GRIA1: variants seen among roughly 807,000 people sequenced by gnomAD.
GRIA1 encodes the protein glutamate ionotropic receptor AMPA type subunit 1, also known as glutamate receptor 1.
Under a neutral mutation model 99.2 loss-of-function variants are expected in GRIA1, and 31 were observed. The ratio of observed to expected loss-of-function variants is 0.31; its 90% CI spans 0.23 to 0.42. The LOEUF is 0.42. Among genes scored for constraint, GRIA1 ranks in the 10% least tolerant of loss-of-function variants. GRIA1 has a pLI of 1.00. For synonymous variants in GRIA1, 438 were observed against 432.4 expected (o/e 1.01, Z -0.16); for missense variants, 782 against 1,157.5 (o/e 0.68, Z 4.71).
At chr5:153,670,801 C>A (rs548958981) in intron 5 of GRIA1, among the ~76,000 whole-genome samples, 2 of 152,080 alleles carry the variant, frequency 1.3e-5, no homozygotes, top group East Asian at 3.9e-4. Flanking sequence ...AGAGTTAACA[C>A]CTTTATTTCC....
intron 2 of GRIA1, among the ~76,000 whole-genome samples, chr5:153,558,888 CT>C (rs1269640670): frequency 6.6e-6 from 1 of 152,120 alleles, no homozygotes; most frequent in Non-Finnish European, 1.5e-5. Context: ...CCCCACTGAC[CT>C]TGCTGCTTCC....
At chr5:153,566,111 A>G (rs946916423) in intron 2 of GRIA1, among the ~76,000 whole-genome samples, 1 of 151,784 alleles carries the variant, frequency 6.6e-6, no homozygotes, top group African/African-American at 2.4e-5. Context: ...GAGGGTTTCA[A>G]TTTCTCCACA....
In GRIA1 at chr5:153,647,164, C is replaced by G. The variant is rs562539388; in HGVS notation, c.457C>G (p.Arg153Gly). 3 of 1,613,452 alleles carry G rather than the reference C, an allele frequency of 1.9e-6. No individual in the cohort carries two copies. The highest frequency in any genetic ancestry group is 2.5e-6 in the Non-Finnish European group (3 of 1,179,770). The change falls in exon 3 of 16, where the codon CGG becomes GGG. Residue 153 changes from arginine to glycine, a missense_variant. Physicochemically the swap from Arg to Gly is moderately radical, Grantham distance 125. Transcript: ENST00000285900. ...ATTTGTCTACATTTATGATGCCGAC[C>G]GGGGTAAGCCAAGGGTTAGGGGAGG... ...QKFVYIYDADRGLSVLQKVLD... is the reference protein window; with the variant it reads ...QKFVYIYDADGGLSVLQKVLD...
chr5:153,766,905 G>A (rs1300512981), intron 12 of GRIA1, among the ~76,000 whole-genome samples: 1 of 152,156 alleles, frequency 6.6e-6, no homozygotes, highest in African/African-American at 2.4e-5. Flanking sequence ...TAAGAACCTG[G>A]AACCAGGGCA....
intron 7 of GRIA1, among the ~76,000 whole-genome samples, chr5:153,682,742 C>T (rs916615292): frequency 2.0e-5 from 3 of 152,184 alleles, no homozygotes; most frequent in African/African-American, 4.8e-5. Flanking sequence ...AATCTCTCTC[C>T]ACCTCTGCAA....
At chr5:153,676,459 CTTAG>C (rs1756594151) in intron 6 of GRIA1, among the ~76,000 whole-genome samples, 1 of 152,278 alleles carries the variant, frequency 6.6e-6, no homozygotes, top group South Asian at 2.1e-4. Flanking sequence ...AAACTTACCA[CTTAG>C]GTAAGCCATA....
chr5:153,591,398 T>C (rs932949976), intron 2 of GRIA1, among the ~76,000 whole-genome samples: 33 of 152,316 alleles, frequency 2.2e-4, no homozygotes, highest in Non-Finnish European at 4.4e-5. Flanking sequence ...AGATATCCCA[T>C]TGAGTATCGC....
At chr5:153,562,114 A>C (rs1405442202) in intron 2 of GRIA1, among the ~76,000 whole-genome samples, 1 of 150,434 alleles carries the variant, frequency 6.6e-6, no homozygotes, top group African/African-American at 2.4e-5. Flanking sequence ...ATTTGAGAAC[A>C]ACTACGAATG....
chr5:153,503,762 G>T (rs1353149334), intron 2 of GRIA1, among the ~76,000 whole-genome samples: 1 of 152,154 alleles, frequency 6.6e-6, no homozygotes, highest in African/African-American at 2.4e-5. Flanking sequence ...GAAATAAGGG[G>T]GAAAGCCCAT....
intron 12 of GRIA1, among the ~76,000 whole-genome samples, chr5:153,767,357 C>T (rs1763585022): frequency 6.6e-6 from 1 of 152,182 alleles, no homozygotes; most frequent in Admixed American, 6.5e-5. Context: ...GATATAAAGC[C>T]TAAAATGAGG....
intron 8 of GRIA1, among the ~76,000 whole-genome samples, chr5:153,690,297 C>A (rs1246859355): frequency 1.3e-5 from 2 of 151,204 alleles, no homozygotes; most frequent in Non-Finnish European, 2.9e-5. Context: ...ATATAATTTA[C>A]AAAAAAAGAA....
rs557320587 is a variant in GRIA1 at position 153,717,858 on chromosome 5, A to G, written c.1823+11791A>G. ...CACTGGCCACCGCTGCTGCCAGGTT[A>G]TTATTTATCTTTATCTCCTGAGCAG... On this transcript the variant is annotated intron_variant, in intron 11 of 15. Transcript: ENST00000285900. 1.7e-3 allele frequency among the ~76,000 whole-genome samples: 255 copies of G among 152,274 alleles called. 1 individual carries two copies. Among genetic ancestry groups the G allele is most frequent in the African/African-American group, 5.9e-3 (245 of 41,544 alleles).
intron 2 of GRIA1, among the ~76,000 whole-genome samples, chr5:153,567,637 C>A (rs1761762971): frequency 6.6e-6 from 1 of 152,106 alleles, no homozygotes; most frequent in Non-Finnish European, 1.5e-5. Context: ...AATTGAGAAC[C>A]ACTCAGATTA....
At chr5:153,629,086 G>A (rs1357660304) in intron 2 of GRIA1, among the ~76,000 whole-genome samples, 4 of 152,238 alleles carry the variant, frequency 2.6e-5, no homozygotes, top group Non-Finnish European at 4.4e-5. Flanking sequence ...GGGTGGGCCT[G>A]TGTACTAGTC....
intron 10 of GRIA1, among the ~76,000 whole-genome samples, chr5:153,705,110 G>T (rs1291949476): frequency 6.6e-6 from 1 of 152,164 alleles, no homozygotes; most frequent in South Asian, 2.1e-4. Context: ...GGGATGTATT[G>T]ACACAGATTC....
At chr5:153,660,936 C>T (rs145013019) in intron 5 of GRIA1, among the ~76,000 whole-genome samples, 1 of 152,158 alleles carries the variant, frequency 6.6e-6, no homozygotes, top group Non-Finnish European at 1.5e-5. Context: ...CAGGTCTTAT[C>T]GGGGTACTTG....
chr5:153,523,380 C>A (rs1005481195), intron 2 of GRIA1, among the ~76,000 whole-genome samples: 9 of 152,182 alleles, frequency 5.9e-5, no homozygotes, highest in African/African-American at 2.2e-4. Flanking sequence ...ATGCAGTTTA[C>A]CACTTCCTCC....
chr5:153,526,772 A>C (rs1757638797), intron 2 of GRIA1, among the ~76,000 whole-genome samples: 1 of 152,240 alleles, frequency 6.6e-6, no homozygotes, highest in African/African-American at 2.4e-5. Flanking sequence ...GAATATGTGC[A>C]CAGGGCAGCA....
chr5:153,499,171 T>C (rs1304958986), intron 2 of GRIA1, among the ~76,000 whole-genome samples: 7 of 152,200 alleles, frequency 4.6e-5, no homozygotes, highest in Admixed American at 4.6e-4. Flanking sequence ...ATAACTGTCT[T>C]GAAAGGTGAT....
Sources: gnomAD v4.1 joint callset for allele counts (sites outside exome capture counted in the v4.1 genomes callset) on GRCh38, gnomAD v4.1.1 for gene constraint, MANE v1.5 for transcripts, NCBI Gene and HGNC (gene_info 2026-07-23, HGNC 2026-07-21) for gene names.